The following PLBD1 variants were observed in gnomAD, a reference collection of about 807,000 sequenced individuals.
PLBD1 encodes the protein phospholipase B domain containing 1, also known as lysosomal leucine aminopeptidase.
In PLBD1, 60 loss-of-function variants were observed where a neutral mutation model predicts 63.0. The ratio of observed to expected loss-of-function variants is 0.95; its 90% CI spans 0.77 to 1.18. The LOEUF (loss-of-function observed/expected upper bound fraction) is 1.18. PLBD1 is among the 50% of genes most tolerant of loss of function. The pLI is 0.00. For synonymous variants in PLBD1, 262 were observed against 248.0 expected, an observed-to-expected ratio of 1.06 and a Z score of -0.53; for missense variants, 598 against 677.9, an observed-to-expected ratio of 0.88 and a Z score of 1.31.
At chr12:14,506,738 T>C (rs1945258673) in intron 9 of PLBD1, among the ~76,000 whole-genome samples, 195 bp downstream of exon 9, 1 of 152,128 alleles carries the variant, frequency 6.6e-6, no homozygotes, top group South Asian at 2.1e-4. Context: ...AAAAAATGTA[T>C]AGACTCTTCT....
At chr12:14,533,214 G>A (rs938155184) in intron 6 of PLBD1, 1 of 152,192 alleles carries the variant, frequency 6.6e-6, no homozygotes, top group African/African-American at 2.4e-5. Flanking sequence ...AATCCAATGT[G>A]GCTGGTCCCT....
At chr12:14,544,171 A>G (rs1447536250) in intron 2 of PLBD1, among the ~76,000 whole-genome samples, 5 of 152,076 alleles carry the variant, frequency 3.3e-5, no homozygotes, top group Non-Finnish European at 7.4e-5. Flanking sequence ...GTGTCTTCCA[A>G]CTAAGGACTT....
intron 6 of PLBD1, among the ~76,000 whole-genome samples, chr12:14,514,098 C>G (rs892052284): frequency 6.6e-6 from 1 of 152,084 alleles, no homozygotes; most frequent in Admixed American, 6.6e-5. Context: ...TCTTAATGAG[C>G]CTCTACACGG....
chr12:14,543,259 G>C (rs1416186700), intron 2 of PLBD1, among the ~76,000 whole-genome samples: 1 of 151,872 alleles, frequency 6.6e-6, no homozygotes, highest in Non-Finnish European at 1.5e-5. Context: ...ATATTAAAAA[G>C]ATATAACTAA....
At chr12:14,549,966 C>A (rs1190262085) in intron 2 of PLBD1, among the ~76,000 whole-genome samples, 1 of 152,212 alleles carries the variant, frequency 6.6e-6, no homozygotes, top group Admixed American at 6.5e-5. Context: ...CCGTGCCCAG[C>A]CACTCCTCAC....
rs1034530718 is a variant in PLBD1, at chr12:14,507,086, C to T, written c.1219G>A (p.Glu407Lys). ...TAGCCACTCCAGTTGTAGATTTTTT[C>T]ATGGAAAGGAACATTGTAGGAGGGC... is the stretch of plus-strand genomic sequence containing the variant. ...YWPSYNVPFHEKIYNWSGYPL... is the reference protein window; with the variant it reads ...YWPSYNVPFHKKIYNWSGYPL... The change falls in exon 9 of 11, where the codon GAA becomes AAA. Residue 407 changes from glutamate to lysine, a missense_variant. Coordinates refer to ENST00000240617, the MANE Select transcript of PLBD1 (RefSeq NM_024829.6). The T allele has an allele frequency of 6.2e-7, 1 of 1,611,666 alleles. No individual in the cohort carries two copies. The highest frequency in any genetic ancestry group is 1.3e-5 in the African/African-American group (1 of 74,758).
chr12:14,549,609 T>C (rs1396665025), intron 2 of PLBD1, among the ~76,000 whole-genome samples: 1 of 152,190 alleles, frequency 6.6e-6, no homozygotes, highest in African/African-American at 2.4e-5. Flanking sequence ...GGCCCCCATT[T>C]GCCTTTTGAA....
chr12:14,531,662 A>C (rs1382866050), intron 6 of PLBD1, among the ~76,000 whole-genome samples: 1 of 152,010 alleles, frequency 6.6e-6, no homozygotes, highest in Non-Finnish European at 1.5e-5. Flanking sequence ...ACGAGGCCTC[A>C]CTCTGTCCCC....
At chr12:14,530,847 G>A (rs1177190903) in intron 6 of PLBD1, among the ~76,000 whole-genome samples, 2 of 152,194 alleles carry the variant, frequency 1.3e-5, no homozygotes, top group African/African-American at 4.8e-5. Context: ...GCTAGTGCAA[G>A]GCTTCTCCAT....
At chr12:14,549,920 G>A (rs1209275551) in intron 2 of PLBD1, among the ~76,000 whole-genome samples, 5 of 152,084 alleles carry the variant, frequency 3.3e-5, no homozygotes, top group African/African-American at 9.7e-5. Context: ...CTCCCACCTC[G>A]GCCTCCCAAA....
chr12:14,540,899 C>T lies in PLBD1; in HGVS notation c.423G>A (p.Lys141=). Residue 141 remains lysine, a synonymous_variant, in exon 4 of 11, where the codon AAG becomes AAA. Transcript: ENST00000240617. ...IMDKVQDFME[K]QDKWTRKNIK... Reference sequence around the variant, plus strand: ...TATTTTTCCGGGTCCACTTATCTTGCTTCCTGGAAGAGAAATTAGATTTGC... The same window carrying T: ...TATTTTTCCGGGTCCACTTATCTTGTTTCCTGGAAGAGAAATTAGATTTGC... The T allele has an allele frequency of 2.5e-6, 4 of 1,593,614 alleles. No individual in the cohort carries two copies. Among genetic ancestry groups the T allele is most frequent in the Non-Finnish European group, 3.4e-6 (4 of 1,165,300 alleles).
chr12:14,550,091 T>C (rs1344522136), intron 2 of PLBD1, among the ~76,000 whole-genome samples: 1 of 152,224 alleles, frequency 6.6e-6, no homozygotes, highest in Non-Finnish European at 1.5e-5. Context: ...GCAGTAGTTC[T>C]CTTCTATCAA....
At chr12:14,510,923 G>A (rs575038461) in intron 8 of PLBD1, among the ~76,000 whole-genome samples, 1 of 152,142 alleles carries the variant, frequency 6.6e-6, no homozygotes, top group Non-Finnish European at 1.5e-5. Context: ...TGCTTTTCTA[G>A]TCCCTGGGCC....
chr12:14,561,615 C>G (rs890306767), intron 1 of PLBD1, among the ~76,000 whole-genome samples: 2 of 152,162 alleles, frequency 1.3e-5, no homozygotes, highest in African/African-American at 2.4e-5. Flanking sequence ...AATGCAATGG[C>G]ACGGTCTCGG....
chr12:14,534,070 C>A (rs905572723), intron 6 of PLBD1, among the ~76,000 whole-genome samples: 2 of 152,168 alleles, frequency 1.3e-5, no homozygotes, highest in African/African-American at 2.4e-5. Context: ...ATCATTTGAG[C>A]CCTGAAGGTC....
intron 4 of PLBD1, among the ~76,000 whole-genome samples, chr12:14,540,011 C>CACTTAATTATATATATATAT (rs1945553782): frequency 3.2e-4 from 1 of 3,154 alleles, no homozygotes; most frequent in African/African-American, 3.7e-4. Context: ...AAAAGCTATG[C>CACTTAATTATATATATATAT]ACATATATAT....
intron 6 of PLBD1, among the ~76,000 whole-genome samples, chr12:14,518,404 A>T (rs1414513300): frequency 2.0e-5 from 3 of 152,202 alleles, no homozygotes; most frequent in Non-Finnish European, 4.4e-5. Flanking sequence ...ATCACAAAGG[A>T]TTTGCTTCAA....
At chr12:14,512,872 T>C (rs1376131298) in intron 6 of PLBD1, among the ~76,000 whole-genome samples, 2 of 152,190 alleles carry the variant, frequency 1.3e-5, no homozygotes, top group Non-Finnish European at 2.9e-5. Flanking sequence ...GAGAAGGCAC[T>C]GTCTACGAGA....
At chr12:14,556,214 T>C (rs1945702332) in intron 1 of PLBD1, among the ~76,000 whole-genome samples, 1 of 152,148 alleles carries the variant, frequency 6.6e-6, no homozygotes, top group Non-Finnish European at 1.5e-5. Context: ...GTTGTATCAT[T>C]TACCAAGAAA....
Sources: allele counts gnomAD v4.1 joint callset (sites outside exome capture counted in the v4.1 genomes callset), GRCh38; gene constraint gnomAD v4.1.1; transcripts MANE v1.5; gene names NCBI Gene and HGNC (gene_info 2026-07-23, HGNC 2026-07-21).